TFDP2: variants seen among roughly 807,000 people sequenced by gnomAD.
TFDP2 encodes the protein transcription factor Dp-2, also known as transcription factor Dp-2 (E2F dimerization partner 2).
In TFDP2, 17 loss-of-function variants were observed where a neutral mutation model predicts 59.3. The observed-to-expected ratio is 0.29, with a 90% CI of 0.20 to 0.43. TFDP2 has a LOEUF of 0.43. Among genes scored for constraint, TFDP2 ranks in the 20% least tolerant of loss-of-function variants. TFDP2 has a pLI of 1.00. For missense variants in TFDP2, 391 were observed against 528.8 expected (o/e 0.74, Z 2.56); for synonymous variants, 180 against 194.7 (o/e 0.92, Z 0.63).
At chr3:142,126,444 T>C (rs914099546) in intron 1 of TFDP2, 3 of 152,120 alleles carry the variant, frequency 2.0e-5, no homozygotes, top group Non-Finnish European at 2.9e-5. Context: ...ATTAACCTAT[T>C]TTTCCTCTTC....
chr3:142,097,012 C>T (rs1465171390), intron 2 of TFDP2, among the ~76,000 whole-genome samples: 1 of 152,202 alleles, frequency 6.6e-6, no homozygotes, highest in Non-Finnish European at 1.5e-5. Context: ...TCAACCCTGA[C>T]ACAGACCATA....
chr3:142,018,323 A>G (rs1312721159), intron 3 of TFDP2, among the ~76,000 whole-genome samples: 1 of 152,180 alleles, frequency 6.6e-6, no homozygotes, highest in Admixed American at 6.5e-5. Flanking sequence ...GAGTAATGGA[A>G]AAGTTTTAGT....
chr3:142,035,812 A>T (rs1415919779), intron 3 of TFDP2, among the ~76,000 whole-genome samples: 1 of 152,154 alleles, frequency 6.6e-6, no homozygotes, highest in Non-Finnish European at 1.5e-5. Flanking sequence ...ATAAGACATG[A>T]CTTGCTCCTT....
chr3:142,122,477 C>T (rs1315837983), intron 1 of TFDP2, among the ~76,000 whole-genome samples: 1 of 152,162 alleles, frequency 6.6e-6, no homozygotes, highest in African/African-American at 2.4e-5. Flanking sequence ...GAGAGGGAGA[C>T]TATCATGCAG....
intron 11 of TFDP2, 146 bp from the exon 12 acceptor site, chr3:141,953,162 G>T: frequency 2.0e-6 from 1 of 492,168 alleles, no homozygotes; most frequent in Non-Finnish European, 3.5e-6. Flanking sequence ...CAAGAACCCA[G>T]GTTTCTTCAT....
At chr3:142,091,105 C>CA (rs1357337515) in intron 3 of TFDP2, among the ~76,000 whole-genome samples, 1 of 152,104 alleles carries the variant, frequency 6.6e-6, no homozygotes, top group African/African-American at 2.4e-5. Context: ...CCTCAGCCCT[C>CA]ACGGCAGTCT....
At chr3:142,126,945 C>CAA (rs780512383) in intron 1 of TFDP2, among the ~76,000 whole-genome samples, 147 of 55,340 alleles carry the variant, frequency 2.7e-3, no homozygotes, top group Admixed American at 8.9e-3. Context: ...GACCTTGTCT[C>CAA]AAAAAAAAAA....
intron 2 of TFDP2, among the ~76,000 whole-genome samples, chr3:142,097,596 C>CA (rs1366537227): frequency 2.0e-5 from 3 of 152,010 alleles, no homozygotes; most frequent in Admixed American, 1.3e-4. Context: ...GAGGTGGGAG[C>CA]ATCGCTTGAG....
intron 4 of TFDP2, among the ~76,000 whole-genome samples, chr3:141,998,008 C>T (rs16852028): frequency 0.047 from 7,100 of 152,010 alleles, 545 homozygotes; most frequent in African/African-American, 0.16. Flanking sequence ...AGATTGTTAG[C>T]TGCGGCTGAT....
chr3:141,958,360 T>C (rs1274458480), intron 11 of TFDP2, among the ~76,000 whole-genome samples: 1 of 152,106 alleles, frequency 6.6e-6, no homozygotes, highest in Non-Finnish European at 1.5e-5. Flanking sequence ...CTAAAGAACA[T>C]AATATCGAGT....
chr3:142,079,734 C>T (rs1282106844), intron 3 of TFDP2, among the ~76,000 whole-genome samples: 3 of 152,068 alleles, frequency 2.0e-5, no homozygotes, highest in Non-Finnish European at 4.4e-5. Flanking sequence ...AAGAGAGTGG[C>T]GTGACATATT....
chr3:142,026,988 T>C (rs1474702468), intron 3 of TFDP2, among the ~76,000 whole-genome samples: 1 of 152,254 alleles, frequency 6.6e-6, no homozygotes, highest in African/African-American at 2.4e-5. Flanking sequence ...TCACAGAAGA[T>C]GAAATCATCT....
At chr3:142,029,740 T>C (rs1475996824) in intron 3 of TFDP2, among the ~76,000 whole-genome samples, 3 of 152,242 alleles carry the variant, frequency 2.0e-5, no homozygotes, top group Non-Finnish European at 4.4e-5. Context: ...AGGTATGTGT[T>C]TGATTACAGA....
At chr3:142,013,404 G>C (rs868665237) in intron 3 of TFDP2, among the ~76,000 whole-genome samples, 1 of 152,162 alleles carries the variant, frequency 6.6e-6, no homozygotes, top group Middle Eastern at 3.2e-3. Context: ...CCTTTAAATA[G>C]ATTATAAAGA....
At chr3:142,109,704 G>A (rs995471430) in intron 1 of TFDP2, among the ~76,000 whole-genome samples, 5 of 151,774 alleles carry the variant, frequency 3.3e-5, no homozygotes, top group Admixed American at 6.6e-5. Context: ...ATTTGTATTC[G>A]TTAATTTTTA....
chr3:141,994,132 C>G (rs187760887), intron 5 of TFDP2: 1 of 152,276 alleles, frequency 6.6e-6, no homozygotes, highest in African/African-American at 2.4e-5. Context: ...GAAAAGTATG[C>G]ATATACAAAA....
chr3:142,019,654 C>CA (rs960786244), intron 3 of TFDP2, among the ~76,000 whole-genome samples: 1 of 151,000 alleles, frequency 6.6e-6, no homozygotes, highest in Non-Finnish European at 1.5e-5. Context: ...AACACCCCCC[C>CA]CAACATCTTC....
At chr3:141,970,606 T>G (rs1431215990) in intron 8 of TFDP2, among the ~76,000 whole-genome samples, 1 of 152,212 alleles carries the variant, frequency 6.6e-6, no homozygotes, top group East Asian at 1.9e-4. Flanking sequence ...ACGCAGCTAG[T>G]GAATGGCAAG....
intron 2 of TFDP2, among the ~76,000 whole-genome samples, chr3:142,097,849 G>A (rs1047950448): frequency 4.0e-5 from 6 of 150,376 alleles, no homozygotes; most frequent in African/African-American, 9.7e-5. Flanking sequence ...GTAGTGGCAC[G>A]ATCTCGGCTC....
Sources: allele counts gnomAD v4.1 joint callset (sites outside exome capture counted in the v4.1 genomes callset), GRCh38; gene constraint gnomAD v4.1.1; transcripts MANE v1.5; gene names NCBI Gene and HGNC (gene_info 2026-07-23, HGNC 2026-07-21).